UGT1A7: variants seen among roughly 807,000 people sequenced by gnomAD.
UGT1A7 encodes the protein UDP-glucuronosyltransferase 1A7.
Under a neutral mutation model 45.6 loss-of-function variants are expected in UGT1A7, and 33 were observed. The observed-to-expected ratio is 0.72, with a 90% CI of 0.55 to 0.97. The LOEUF is 0.97. UGT1A7 is among the 50% of genes least tolerant of loss of function. The pLI is 0.00. For synonymous variants in UGT1A7, 274 were observed against 250.6 expected (o/e 1.09, Z -0.88); for missense variants, 684 against 666.2 (o/e 1.03, Z -0.29).
In UGT1A7 at chr2:233,743,171, T is replaced by G. The variant is rs182109098; in HGVS notation, c.856-23863T>G. The G allele has an allele frequency of 7.8e-4, 286 of 364,898 alleles. 2 individuals are homozygous for G. Among genetic ancestry groups the G allele is most frequent in the East Asian group, 3.6e-3 (49 of 13,664 alleles). 22.6% of individuals were successfully genotyped at this position (364,898 alleles called of 1,614,324 possible). A position where few individuals can be genotyped will look rare whatever the true frequency, so the allele number is the denominator to read the frequency against. ...GCTATTCCTCCAGATGTGCTTAAAG[T>G]CAAATGTGGACTGGAATTACTTGGT... On this transcript the variant is annotated intron_variant, in intron 1 of 4. Coordinates refer to ENST00000373426, the MANE Select transcript of UGT1A7 (RefSeq NM_019077.3).
intron 1 of UGT1A7, chr2:233,760,819 A>C (rs1210599713): frequency 1.2e-6 from 2 of 1,613,450 alleles, no homozygotes. Context: ...ACTGCCATGC[A>C]GCCTGGAATT....
chr2:233,693,738 C>T (rs781371157), intron 1 of UGT1A7: 5 of 1,614,170 alleles, frequency 3.1e-6, no homozygotes, highest in Non-Finnish European at 3.4e-6. Context: ...GATATAATCA[C>T]CTTATATCAG....
intron 1 of UGT1A7, chr2:233,747,911 C>T (rs1693810314): frequency 6.2e-7 from 1 of 1,613,510 alleles, no homozygotes; most frequent in East Asian, 2.2e-5. Flanking sequence ...CTTATGCAAG[C>T]CTTGCCTCTG....
At position 233,728,984 on chromosome 2, in the gene UGT1A7, A is replaced by T. The variant is rs532880751; in HGVS notation, c.856-38050A>T. On this transcript the variant is annotated intron_variant, in intron 1 of 4. Transcript: ENST00000373426. ...AAACAGTGATAGATTAATGGTTAAT[A>T]ATTAACTAGAGGAGGGCACTCTGTC... 6.7e-5 allele frequency: 101 copies of T among 1,514,708 alleles called. 1 individual carries two copies. The South Asian group carries it at 1.2e-3, about 19-fold the overall frequency. The allele number at this position is 1,514,708 out of a possible 1,614,324, so 93.8% of individuals were successfully genotyped here.
intron 1 of UGT1A7, among the ~76,000 whole-genome samples, chr2:233,734,400 T>G (rs76797219): frequency 6.6e-6 from 1 of 152,204 alleles, no homozygotes; most frequent in South Asian, 2.1e-4. Context: ...TTGCGTCTAT[T>G]TGATTCTTCT....
intron 1 of UGT1A7, among the ~76,000 whole-genome samples, chr2:233,721,034 G>C (rs539792830): frequency 4.0e-4 from 61 of 152,224 alleles, no homozygotes; most frequent in Non-Finnish European, 6.9e-4. Flanking sequence ...TCTTGTGAGA[G>C]AATTGAGCCC....
At chr2:233,714,555 A>G (rs28899184) in intron 1 of UGT1A7, among the ~76,000 whole-genome samples, 1 of 152,254 alleles carries the variant, frequency 6.6e-6, no homozygotes, top group Non-Finnish European at 1.5e-5. Context: ...TCCAATAGAA[A>G]TATCATGTAA....
chr2:233,731,986 G>T (rs184170345), intron 1 of UGT1A7, among the ~76,000 whole-genome samples: 1 of 152,194 alleles, frequency 6.6e-6, no homozygotes, highest in Non-Finnish European at 1.5e-5. Context: ...TCTAACTGGC[G>T]TGAGATGGTA....
intron 1 of UGT1A7, chr2:233,713,329 G>GA: frequency 6.2e-7 from 1 of 1,614,226 alleles, no homozygotes; most frequent in Non-Finnish European, 8.5e-7. Flanking sequence ...TTTTCTAGAA[G>GA]AATGGCAATT....
rs536054033 is a variant in UGT1A7, at chr2:233,697,515, T to TA, written c.855+14729dup. Among the ~76,000 whole-genome samples, 41 of 150,144 alleles carry TA rather than the reference T, an allele frequency of 2.7e-4. No homozygotes were observed. In the Middle Eastern group the frequency reaches 0.01, roughly 37 times the overall value. ...AATTTTGTTTATCTTTTTTTTTTTTTAAAAAACTTTTTGTTTCATTGGTCT... is the reference window on the plus strand; with the variant it reads ...AATTTTGTTTATCTTTTTTTTTTTTTAAAAAAACTTTTTGTTTCATTGGTCT... On this transcript the variant is annotated intron_variant, in intron 1 of 4. Transcript: ENST00000373426.
At chr2:233,714,500 A>C (rs558780579) in intron 1 of UGT1A7, among the ~76,000 whole-genome samples, 48 of 152,320 alleles carry the variant, frequency 3.2e-4, no homozygotes, top group Admixed American at 1.4e-3. Context: ...ACACTACTTA[A>C]AAAAAATTCT....
intron 1 of UGT1A7, among the ~76,000 whole-genome samples, chr2:233,757,567 T>TATATATATATATATATATA (rs1553619947): frequency 7.0e-6 from 1 of 142,920 alleles, no homozygotes; most frequent in Non-Finnish European, 1.5e-5. Flanking sequence ...TATATGTATA[T>TATATATATATATATATATA]ATGATATAGC....
chr2:233,772,792 A>G lies in UGT1A7; in HGVS notation c.*233A>G. On this transcript the variant is annotated 3_prime_UTR_variant, in exon 5 of 5. Coordinates refer to ENST00000373426, the MANE Select transcript of UGT1A7 (RefSeq NM_019077.3). ...CTCTGGTGTCTTTGATCAGGATGAC[A>G]TGTGCCATTTTTCAGAGGACGTGCA... 8.2e-7 allele frequency: 1 copy of G among 1,219,898 alleles called. No homozygotes were observed. The highest frequency in any genetic ancestry group is 3.0e-4 in the Middle Eastern group (1 of 3,362). 75.6% of individuals were successfully genotyped at this position (1,219,898 alleles called of 1,614,324 possible).
At position 233,759,745 on chromosome 2, in the gene UGT1A7, A is replaced by G. The variant is rs1303166455; in HGVS notation, c.856-7289A>G. Among the ~76,000 whole-genome samples the G allele has an allele frequency of 2.6e-5, 4 of 152,196 alleles. No homozygotes were observed. The East Asian group carries it at 7.7e-4, about 29-fold the overall frequency. ...CTCTGCTGCAGCCTCAAGACCCCAC[A>G]CTGTGCTGGACTCAATAAATATTGT... On this transcript the variant is annotated intron_variant, in intron 1 of 4. Transcript: ENST00000373426.
In UGT1A7 at chr2:233,767,884, T is replaced by A. The variant is rs149750520; in HGVS notation, c.1023T>A (p.Asn341Lys). The A allele has an allele frequency of 1.2e-6, 2 of 1,614,080 alleles. No individual in the cohort carries two copies. Among genetic ancestry groups the A allele is most frequent in the African/African-American group, 2.7e-5 (2 of 74,910 alleles). The change falls in exon 3 of 5, where the codon AAT (asparagine) becomes AAA (lysine). Residue 341 changes from asparagine to lysine, a missense_variant. Transcript: ENST00000373426. ...LWRYTGTRPSNLANNTILVKW... is the reference protein window; with the variant it reads ...LWRYTGTRPSKLANNTILVKW... ...GGTACACTGGAACCCGACCATCGAATCTTGCGAACAACACGATACTTGTTA... is the reference window on the plus strand; with the variant it reads ...GGTACACTGGAACCCGACCATCGAAACTTGCGAACAACACGATACTTGTTA...
intron 1 of UGT1A7, chr2:233,693,021 G>C: frequency 6.2e-7 from 1 of 1,614,090 alleles, no homozygotes; most frequent in South Asian, 1.1e-5. Flanking sequence ...TGCCTCCTTC[G>C]CTCATTTCAG....
In UGT1A7 at chr2:233,769,722, G is replaced by C. The variant is rs906143757; in HGVS notation, c.1295+1283G>C. The C allele has an allele frequency of 4.0e-5, 60 of 1,484,822 alleles. No homozygotes were observed. The highest frequency in any genetic ancestry group is 4.9e-5 in the Non-Finnish European group (55 of 1,116,098). 92.0% of individuals were successfully genotyped at this position (1,484,822 alleles called of 1,614,324 possible). On this transcript the variant is annotated intron_variant, in intron 4 of 4. Coordinates refer to ENST00000373426, the MANE Select transcript of UGT1A7 (RefSeq NM_019077.3). The surrounding 1 kb of genome is among the most constrained non-coding windows in gnomAD (Gnocchi z 4.4). ...AGATCAATGTTGGCTAGGCACCATGGCACACGCCTGTAGTCCCAGCCACTC... is the reference window on the plus strand; with the variant it reads ...AGATCAATGTTGGCTAGGCACCATGCCACACGCCTGTAGTCCCAGCCACTC...
In UGT1A7 at chr2:233,768,530, C is replaced by T. The variant is rs181512709; in HGVS notation, c.1295+91C>T. On this transcript the variant is annotated intron_variant, in intron 4 of 4. Transcript: ENST00000373426. ...AAAACATTTACGTAGCATTTAATAG[C>T]GTTGTTTCAAATATAAAAACAAATA... 249 of 1,496,408 alleles carry T rather than the reference C, an allele frequency of 1.7e-4. No homozygotes were observed. In the African/African-American group the frequency reaches 3.2e-3, roughly 19 times the overall value. The allele number at this position is 1,496,408 out of a possible 1,614,324, so 92.7% of individuals were successfully genotyped here. A position where few individuals can be genotyped will look rare whatever the true frequency, so the allele number is the denominator to read the frequency against.
Position 233,683,904 on chromosome 2 carries a change from C to T in UGT1A7, c.855+1112C>T, listed in dbSNP as rs548242603. ...CTGGTATTTATACCTCTTATTTTGGCGGAGCATATAGTTCCAAAATATTAT... is the reference window on the plus strand; with the variant it reads ...CTGGTATTTATACCTCTTATTTTGGTGGAGCATATAGTTCCAAAATATTAT... On this transcript the variant is annotated intron_variant, in intron 1 of 4. Transcript: ENST00000373426. 3.3e-5 allele frequency among the ~76,000 whole-genome samples: 5 copies of T among 152,148 alleles called. No individual in the cohort carries two copies. The South Asian group carries it at 6.2e-4, about 19-fold the overall frequency.
Sources: allele counts gnomAD v4.1 joint callset (sites outside exome capture counted in the v4.1 genomes callset), GRCh38; gene constraint gnomAD v4.1.1; non-coding constraint Gnocchi (gnomAD v3.1); transcripts MANE v1.5; gene names NCBI Gene and HGNC (gene_info 2026-07-23, HGNC 2026-07-21).